Variants in ABTB2 observed in about 807,000 individuals in gnomAD.
The protein encoded by ABTB2 is ankyrin repeat and BTB/POZ domain-containing protein 2.
A neutral mutation model predicts 104.1 loss-of-function variants in ABTB2; 56 were observed. The observed-to-expected ratio is 0.54, with a 90% confidence interval of 0.43 to 0.67. The LOEUF (loss-of-function observed/expected upper bound fraction) is 0.67. Among genes scored for constraint, ABTB2 ranks in the 30% least tolerant of loss-of-function variants. ABTB2 has a pLI of 0.00. For missense variants in ABTB2, 1,279 were observed against 1,407.7 expected, an observed-to-expected ratio of 0.91 and a Z score of 1.46; for synonymous variants, 606 against 608.2, an observed-to-expected ratio of 1.00 and a Z score of 0.05.
At chr11:34,321,812 G>T (rs1855007760) in intron 1 of ABTB2, among the ~76,000 whole-genome samples, 1 of 152,208 alleles carries the variant, frequency 6.6e-6, no homozygotes, top group Non-Finnish European at 1.5e-5. Context: ...TTCCAGAGAA[G>T]CTCCACCTAG....
chr11:34,197,375 G>T lies in ABTB2; in HGVS notation c.1194C>A (p.Ser398=). The T allele has an allele frequency of 1.9e-6, 3 of 1,613,918 alleles. No individual in the cohort carries two copies. The highest frequency in any genetic ancestry group is 2.5e-6 in the Non-Finnish European group (3 of 1,179,936). Residue 398 remains serine, a synonymous_variant, in exon 3 of 17, where the codon TCC becomes TCA. Transcript: ENST00000435224. ...YYFLRCPQME[S]MENPNLDPPR... ...GGGGGTCCAGGTTGGGGTTCTCCATGGACTCCATCTGTGGACACCGCAGAA... is the reference window on the plus strand; with the variant it reads ...GGGGGTCCAGGTTGGGGTTCTCCATTGACTCCATCTGTGGACACCGCAGAA...
At chr11:34,242,023 C>T (rs769859428) in intron 1 of ABTB2, among the ~76,000 whole-genome samples, 3 of 152,200 alleles carry the variant, frequency 2.0e-5, no homozygotes, top group African/African-American at 7.2e-5. Flanking sequence ...GCAGAAGCTG[C>T]GAGGAGATGG....
chr11:34,347,327 C>T (rs1391289553), intron 1 of ABTB2, among the ~76,000 whole-genome samples: 1 of 152,046 alleles, frequency 6.6e-6, no homozygotes, highest in African/African-American at 2.4e-5. Flanking sequence ...TCTCAGCTAA[C>T]TGAGAGGCTG....
chr11:34,204,046 C>T (rs1485260577), intron 2 of ABTB2, among the ~76,000 whole-genome samples: 1 of 152,200 alleles, frequency 6.6e-6, no homozygotes, highest in Admixed American at 6.5e-5. Context: ...GCCACAGAGC[C>T]CTGAGTCCTG....
intron 1 of ABTB2, among the ~76,000 whole-genome samples, chr11:34,349,374 C>T (rs1264424071): frequency 6.6e-6 from 1 of 152,310 alleles, no homozygotes; most frequent in Non-Finnish European, 1.5e-5. Context: ...CGAGCCATAA[C>T]TGAGCAAGGT....
At chr11:34,297,178 C>T (rs1854632567) in intron 1 of ABTB2, among the ~76,000 whole-genome samples, 1 of 152,170 alleles carries the variant, frequency 6.6e-6, no homozygotes, top group South Asian at 2.1e-4. Flanking sequence ...TAGCCTGGTA[C>T]CCGGCACACA....
chr11:34,320,970 G>A (rs1854994225), intron 1 of ABTB2, among the ~76,000 whole-genome samples: 1 of 152,090 alleles, frequency 6.6e-6, no homozygotes, highest in Non-Finnish European at 1.5e-5. Context: ...ATCACCTGAG[G>A]TCGGGAGTTC....
chr11:34,175,572 T>A (rs1223160579), intron 3 of ABTB2, among the ~76,000 whole-genome samples: 1 of 152,256 alleles, frequency 6.6e-6, no homozygotes. Context: ...TGCACCATCA[T>A]AAGTTAGGGA....
chr11:34,229,347 G>A (rs980273213), intron 1 of ABTB2, among the ~76,000 whole-genome samples: 4 of 151,476 alleles, frequency 2.6e-5, no homozygotes, highest in South Asian at 2.1e-4. Context: ...CAGGTGTGGT[G>A]GCGGGCGCCT....
intron 1 of ABTB2, among the ~76,000 whole-genome samples, chr11:34,296,658 G>C (rs1390571793): frequency 5.3e-5 from 8 of 152,178 alleles, no homozygotes; most frequent in Admixed American, 5.2e-4. Context: ...CTTCCAGGAA[G>C]GGGCAGAGAC....
chr11:34,259,142 G>A (rs2133073617), intron 1 of ABTB2, among the ~76,000 whole-genome samples: 1 of 152,302 alleles, frequency 6.6e-6, no homozygotes, highest in South Asian at 2.1e-4. Context: ...GGTCAGGCTT[G>A]TTAGCATTTT....
At chr11:34,157,362 TC>T (rs1852643332) in intron 14 of ABTB2, among the ~76,000 whole-genome samples, 1 of 152,166 alleles carries the variant, frequency 6.6e-6, no homozygotes, top group Admixed American at 6.5e-5. Flanking sequence ...CTATTTGCCC[TC>T]CCAGCAACCC....
chr11:34,163,172 T>G (rs111875924), intron 9 of ABTB2, among the ~76,000 whole-genome samples: 2 of 152,200 alleles, frequency 1.3e-5, no homozygotes, highest in Non-Finnish European at 2.9e-5. Flanking sequence ...TATCACACTT[T>G]CCTGGGGCTT....
intron 1 of ABTB2, among the ~76,000 whole-genome samples, chr11:34,251,212 G>C (rs142242116): frequency 0.011 from 1,650 of 152,346 alleles, 27 homozygotes; most frequent in Middle Eastern, 0.014. Flanking sequence ...CACCAAAATA[G>C]AGCGGGTGAG....
At position 34,256,867 on chromosome 11, in the gene ABTB2, G is replaced by A. The variant is rs146874193; in HGVS notation, c.884-52177C>T. Among the ~76,000 whole-genome samples, 34 of 152,252 alleles carry A rather than the reference G, an allele frequency of 2.2e-4. No individual in the cohort carries two copies. The East Asian group carries it at 3.5e-3, about 16-fold the overall frequency. ...AAAAAATCTTGCTGGCAAATTCTCC[G>A]TTTTGTGGACTGTCATGGCTGTGCA... is the stretch of plus-strand genomic sequence containing the variant. On this transcript the variant is annotated intron_variant, in intron 1 of 16. Coordinates refer to ENST00000435224, the MANE Select transcript of ABTB2 (RefSeq NM_145804.3).
intron 1 of ABTB2, among the ~76,000 whole-genome samples, chr11:34,228,453 T>C (rs1017788298): frequency 1.3e-5 from 2 of 152,144 alleles, no homozygotes; most frequent in Non-Finnish European, 1.5e-5. Flanking sequence ...AGCATGATCT[T>C]GGCTCACTGC....
intron 2 of ABTB2, among the ~76,000 whole-genome samples, chr11:34,201,694 T>C (rs1250209648): frequency 6.6e-6 from 1 of 152,168 alleles, no homozygotes; most frequent in African/African-American, 2.4e-5. Context: ...AACTGCAATA[T>C]CTGCCTCCAC....
intron 1 of ABTB2, among the ~76,000 whole-genome samples, chr11:34,248,383 C>T (rs1171362343): frequency 6.6e-6 from 1 of 152,028 alleles, no homozygotes; most frequent in Non-Finnish European, 1.5e-5. Context: ...CTGTACCTGG[C>T]CTCTGTTCAT....
chr11:34,168,410 G>A (rs1338550284), intron 5 of ABTB2, among the ~76,000 whole-genome samples: 2 of 152,228 alleles, frequency 1.3e-5, no homozygotes, highest in Non-Finnish European at 2.9e-5. Context: ...AGTTCAGAAT[G>A]AGCTTACCTT....
Sources: allele counts gnomAD v4.1 joint callset (sites outside exome capture counted in the v4.1 genomes callset), GRCh38; gene constraint gnomAD v4.1.1; transcripts MANE v1.5; gene names NCBI Gene and HGNC (gene_info 2026-07-23, HGNC 2026-07-21).